MTUS2: variants seen among roughly 807,000 people sequenced by gnomAD.
The protein encoded by MTUS2 is microtubule-associated tumor suppressor candidate 2.
Under a neutral mutation model 114.1 loss-of-function variants are expected in MTUS2, and 40 were observed. That is an observed-to-expected ratio of 0.35 (90% confidence interval 0.27 to 0.46). The LOEUF is 0.46. Among genes scored for constraint, MTUS2 ranks in the 20% least tolerant of loss-of-function variants. The probability of loss-of-function intolerance (pLI) is 1.00; values close to 1 mark genes in which losing one functional copy is unlikely to be tolerated. For missense variants in MTUS2, 1,679 were observed against 1,705.4 expected, an observed-to-expected ratio of 0.98 and a Z score of 0.27; for synonymous variants, 688 against 672.0, an observed-to-expected ratio of 1.02 and a Z score of -0.37.
chr13:29,408,239 A>C (rs1874939279), intron 8 of MTUS2, among the ~76,000 whole-genome samples: 1 of 152,234 alleles, frequency 6.6e-6, no homozygotes, highest in Non-Finnish European at 1.5e-5. Flanking sequence ...TTGATTAAAA[A>C]AAAACCCTCC....
intron 7 of MTUS2, among the ~76,000 whole-genome samples, chr13:29,333,938 A>G (rs1398670552): frequency 1.3e-5 from 2 of 152,208 alleles, no homozygotes; most frequent in Non-Finnish European, 2.9e-5. Flanking sequence ...TTACCATTAT[A>G]TAATGCCCTT....
intron 1 of MTUS2, among the ~76,000 whole-genome samples, chr13:28,828,632 C>T (rs1399588687): frequency 6.6e-6 from 1 of 152,148 alleles, no homozygotes; most frequent in Non-Finnish European, 1.5e-5. Flanking sequence ...CGTTCGGGGT[C>T]CCTGACTTCC....
At chr13:29,030,288 G>A (rs557067966) in intron 3 of MTUS2, among the ~76,000 whole-genome samples, 1 of 152,220 alleles carries the variant, frequency 6.6e-6, no homozygotes, top group Non-Finnish European at 1.5e-5. Context: ...GACCCCACTG[G>A]TGTGGAGAGA....
At chr13:29,488,662 G>A (rs535786450) in intron 11 of MTUS2, among the ~76,000 whole-genome samples, 1 of 152,186 alleles carries the variant, frequency 6.6e-6, no homozygotes, top group Non-Finnish European at 1.5e-5. Flanking sequence ...GGAAGCCCCG[G>A]CATGGATACA....
At chr13:29,142,642 G>T (rs896560110) in intron 5 of MTUS2, among the ~76,000 whole-genome samples, 3 of 152,294 alleles carry the variant, frequency 2.0e-5, no homozygotes, top group Admixed American at 1.3e-4. Context: ...GGATGCAGAG[G>T]TCGCAGTGAG....
At chr13:29,340,187 T>A (rs1901321437) in intron 7 of MTUS2, among the ~76,000 whole-genome samples, 2 of 152,124 alleles carry the variant, frequency 1.3e-5, no homozygotes, top group African/African-American at 4.8e-5. Context: ...ACCCAGATGA[T>A]CTGGGGGACG....
rs187506719 is a variant in MTUS2 at position 28,898,588 on chromosome 13, G to T, written c.-243+58738G>T. Among the ~76,000 whole-genome samples, 126 of 152,276 alleles carry T rather than the reference G, an allele frequency of 8.3e-4. 1 individual carries two copies. The highest frequency in any genetic ancestry group is 7.7e-3 in the Admixed American group (118 of 15,284). On this transcript the variant is annotated intron_variant, in intron 2 of 15. Coordinates refer to ENST00000612955, the MANE Select transcript of MTUS2 (RefSeq NM_001033602.4). ...TATCTCTTCAAATAAAATAAATGAT[G>T]TGGTTTAGAAAGTACCATCTGAGTG...
chr13:29,272,398 T>C (rs1897912830), intron 5 of MTUS2, among the ~76,000 whole-genome samples: 1 of 152,210 alleles, frequency 6.6e-6, no homozygotes. Context: ...TATGATGCCA[T>C]CTTCTTATTA....
At chr13:29,338,505 G>A (rs1033885543) in intron 7 of MTUS2, among the ~76,000 whole-genome samples, 14 of 152,096 alleles carry the variant, frequency 9.2e-5, no homozygotes, top group African/African-American at 3.1e-4. Context: ...CAGGAGAATC[G>A]CTTGAACCGG....
chr13:29,402,433 A>G (rs942281953), intron 8 of MTUS2, among the ~76,000 whole-genome samples: 1 of 152,218 alleles, frequency 6.6e-6, no homozygotes, highest in African/African-American at 2.4e-5. Context: ...GCCAAGAGGC[A>G]GTAAAATTCA....
intron 8 of MTUS2, among the ~76,000 whole-genome samples, chr13:29,409,415 T>C (rs1482944149): frequency 6.6e-6 from 1 of 152,212 alleles, no homozygotes; most frequent in Non-Finnish European, 1.5e-5. Context: ...CAAAGTTACT[T>C]AGGTTAATTT....
At chr13:29,366,976 C>T (rs1304351918) in intron 8 of MTUS2, among the ~76,000 whole-genome samples, 2 of 152,148 alleles carry the variant, frequency 1.3e-5, no homozygotes, top group Non-Finnish European at 2.9e-5. Context: ...CTCCTTAATA[C>T]ACACACACTC....
intron 5 of MTUS2, among the ~76,000 whole-genome samples, chr13:29,252,060 T>C (rs1345407943): frequency 6.6e-6 from 1 of 152,214 alleles, no homozygotes; most frequent in African/African-American, 2.4e-5. Context: ...GGAATCTTTC[T>C]GAACTTTGCA....
At chr13:28,854,530 A>G (rs974581666) in intron 2 of MTUS2, among the ~76,000 whole-genome samples, 1 of 152,184 alleles carries the variant, frequency 6.6e-6, no homozygotes, top group Non-Finnish European at 1.5e-5. Flanking sequence ...CCATGAACAC[A>G]TTGAGGGAGG....
chr13:29,322,517 G>T (rs942762219), intron 6 of MTUS2, among the ~76,000 whole-genome samples: 1 of 152,298 alleles, frequency 6.6e-6, no homozygotes, highest in South Asian at 2.1e-4. Context: ...GACCCTATCT[G>T]GGTCAAAGTT....
At chr13:29,084,363 T>TA (rs1295887195) in intron 4 of MTUS2, among the ~76,000 whole-genome samples, 1,675 of 143,820 alleles carry the variant, frequency 0.012, 23 homozygotes, top group African/African-American at 0.036. Context: ...CCACCCTCCT[T>TA]AAAAAAAAAA....
intron 5 of MTUS2, among the ~76,000 whole-genome samples, chr13:29,127,025 C>T (rs550159590): frequency 1.4e-4 from 21 of 152,334 alleles, no homozygotes; most frequent in African/African-American, 4.6e-4. Flanking sequence ...CTTGGGTGCC[C>T]TCTCCGTCTG....
chr13:29,224,369 C>T lies in MTUS2; in HGVS notation c.2645-57335C>T, dbSNP rs139579779. On this transcript the variant is annotated intron_variant, in intron 5 of 15. Transcript: ENST00000612955. ...ATTATCCCTTCAAATATTTCTCTTACGCTTTATTTATTTTCCATGTTGCTT... is the reference window on the plus strand; with the variant it reads ...ATTATCCCTTCAAATATTTCTCTTATGCTTTATTTATTTTCCATGTTGCTT... Among the ~76,000 whole-genome samples, 372 of 152,094 alleles carry T rather than the reference C, an allele frequency of 2.4e-3. 1 individual carries two copies. The highest frequency in any genetic ancestry group is 7.6e-3 in the African/African-American group (314 of 41,482).
chr13:28,882,128 C>T lies in MTUS2; in HGVS notation c.-243+42278C>T, dbSNP rs573430974. Among the ~76,000 whole-genome samples, 8 of 152,032 alleles carry T rather than the reference C, an allele frequency of 5.3e-5. No homozygotes were observed. In the East Asian group the frequency reaches 7.7e-4, roughly 15 times the overall value. On this transcript the variant is annotated intron_variant, in intron 2 of 15. Coordinates refer to ENST00000612955, the MANE Select transcript of MTUS2 (RefSeq NM_001033602.4). ...AGGCTGGAGTGCGGCAGCATGATCTCGGCTCATTGCAACCTCTGCCCCCTA... is the reference window on the plus strand; with the variant it reads ...AGGCTGGAGTGCGGCAGCATGATCTTGGCTCATTGCAACCTCTGCCCCCTA...
Sources: allele counts gnomAD v4.1 joint callset (sites outside exome capture counted in the v4.1 genomes callset), GRCh38; gene constraint gnomAD v4.1.1; transcripts MANE v1.5; gene names NCBI Gene and HGNC (gene_info 2026-07-23, HGNC 2026-07-21).